KRT81: variants seen among roughly 807,000 people sequenced by gnomAD.
KRT81 encodes the protein keratin 81.
A neutral mutation model predicts 35.8 loss-of-function variants in KRT81; 35 were observed. The observed-to-expected ratio is 0.98, with a 90% CI of 0.75 to 1.30. The LOEUF (loss-of-function observed/expected upper bound fraction) is 1.30, where lower values mean the gene tolerates loss of function less well. KRT81 is among the 50% of genes most tolerant of loss of function. The probability of loss-of-function intolerance (pLI) is 0.00; values close to 1 mark genes in which losing one functional copy is unlikely to be tolerated. For missense variants in KRT81, 531 were observed against 577.4 expected (o/e 0.92, Z 0.82); for synonymous variants, 249 against 251.2 (o/e 0.99, Z 0.08).
Position 52,286,363 on chromosome 12 carries a change from G to A in KRT81, c.1410C>T (p.Pro470=), listed in dbSNP as rs1282540065. The part of the protein sequence containing the change: ...NVAVSTGLCA[P]CGQLNTTCGG... The stretch of plus-strand genomic sequence containing the variant: ...CGCAGGTGGTGTTCAATTGGCCGCA[G>A]GGCGCACACAGGCCGGTGCTCACCG... The change falls in exon 9 of 9, where the codon CCC becomes CCT. Residue 470 remains proline (P), a synonymous_variant. Coordinates refer to ENST00000327741, the MANE Select transcript of KRT81 (RefSeq NM_002281.4). 1.3e-6 allele frequency: 2 copies of A among 1,555,466 alleles called. No individual in the cohort carries two copies. The highest frequency in any genetic ancestry group is 1.9e-5 in the Admixed American group (1 of 51,454).
chr12:52,287,491 A>G (rs1382869024), intron 6 of KRT81, 105 bp downstream of exon 6: 16 of 1,606,098 alleles, frequency 1.0e-5, no homozygotes, highest in Admixed American at 8.5e-5. Flanking sequence ...TACATGGACA[A>G]AGGGGGTGGA....
At position 52,291,511 on chromosome 12, in the gene KRT81, G is replaced by A. The variant is rs1267306704; in HGVS notation, c.-46C>T. The A allele has an allele frequency of 1.2e-6, 2 of 1,607,336 alleles. No individual in the cohort carries two copies. Among genetic ancestry groups the A allele is most frequent in the Admixed American group, 3.4e-5 (2 of 59,434 alleles). ...TTGCAGAGGACAGGATAGGGGACCTGGAGTCCTGATGGAAACTCCAATGTG... is the reference window on the plus strand; with the variant it reads ...TTGCAGAGGACAGGATAGGGGACCTAGAGTCCTGATGGAAACTCCAATGTG... On this transcript the variant is annotated 5_prime_UTR_variant, in exon 1 of 9. Transcript: ENST00000327741.
Position 52,291,311 on chromosome 12 carries a change from C to G in KRT81, c.155G>C (p.Gly52Ala), listed in dbSNP as rs765739669. 1.2e-5 allele frequency: 19 copies of G among 1,546,940 alleles called. No individual in the cohort carries two copies. Among genetic ancestry groups the G allele is most frequent in the East Asian group, 7.3e-5 (3 of 41,004 alleles). Residue 52 changes from glycine (G) to alanine (A), a missense_variant, in exon 1 of 9, where the codon GGA becomes GCA. Around this residue, in one of 5 missense-constraint regions of KRT81, gnomAD observed 133 missense variants for 125.9 expected, o/e 1.06. Coordinates refer to ENST00000327741, the MANE Select transcript of KRT81 (RefSeq NM_002281.4). ...TCCGCAGGAGCCGGCCCGAAAGCCT[C>G]CGCACACGCTGTGGCTGCCGAAGCC... The part of the protein sequence containing the change: ...TGGFGSHSVC[G>A]GFRAGSCGRS...
At position 52,288,346 on chromosome 12, in the gene KRT81, C is replaced by T. The variant is rs199629561; in HGVS notation, c.735+15G>A. ...TGCTGGCTGCCAGGTTTCTGTCTGG[C>T]CCCTGAGCCCGCACCTCCTCATACA... On this transcript the variant is annotated intron_variant, in intron 4 of 8. Coordinates refer to ENST00000327741, the MANE Select transcript of KRT81 (RefSeq NM_002281.4). 1,159 of 1,613,804 alleles carry T rather than the reference C, an allele frequency of 7.2e-4. 10 individuals carry two copies. In the African/African-American group the frequency reaches 0.014, roughly 20 times the overall value.
At chr12:52,287,764 C>A (rs370107494) in intron 5 of KRT81, 43 bp from the exon 6 acceptor site, 1 of 1,614,024 alleles carries the variant, frequency 6.2e-7, no homozygotes, top group Non-Finnish European at 8.5e-7. Context: ...GGTGGGACCT[C>A]CCATCCATTC....
Position 52,286,265 on chromosome 12 carries a change from C to T in KRT81, c.1508G>A (p.Arg503Gln), listed in dbSNP as rs138935547. ...CTTGAGTTGGGGTGCCTAACATTTC[C>T]GGCAGCTGCTGCCGCAAGACCCCAC... ...LGVGSCGSSC[R>Q]KC Residue 503 changes from arginine to glutamine, a missense_variant, in exon 9 of 9, where the codon CGG becomes CAG. By Grantham distance (43) the Arg-to-Gln change is conservative. Coordinates refer to ENST00000327741, the MANE Select transcript of KRT81 (RefSeq NM_002281.4). 1.9e-4 allele frequency: 290 copies of T among 1,554,020 alleles called. No homozygotes were observed. Among genetic ancestry groups the T allele is most frequent in the East Asian group, 3.6e-4 (15 of 41,452 alleles).
At position 52,286,793 on chromosome 12, in the gene KRT81, A is replaced by T; in HGVS notation, c.1277T>A (p.Val426Asp). The change falls in exon 8 of 9, where the codon GTC becomes GAC. Residue 426 changes from valine to aspartate, a missense_variant and splice_region_variant. By Grantham distance (152) the Val-to-Asp change is radical. Transcript: ENST00000327741. ...CACACTGGACCCCAAATACTCACAG[A>T]CATTCACAGCCCCAATGCCTTCACA... ...RLCEGIGAVN[V>D]CVSSSRGGVV... The T allele has an allele frequency of 6.2e-7, 1 of 1,614,058 alleles. No homozygotes were observed. The highest frequency in any genetic ancestry group is 1.1e-5 in the South Asian group (1 of 91,044).
rs1938118887 is a variant in KRT81, at chr12:52,291,416, G to T, written c.50C>A (p.Ala17Asp). The change falls in exon 1 of 9, where the codon GCC becomes GAC. Residue 17 changes from alanine (A) to aspartate (D), a missense_variant. Ala to Asp is a moderately radical substitution (Grantham distance 126, BLOSUM62 -2). Coordinates refer to ENST00000327741, the MANE Select transcript of KRT81 (RefSeq NM_002281.4). ...GCAGCGGCCGGGCCGCGGCCCGCAGGCCGAGATGCAGCTGAAGGCGCGCCC... is the reference window on the plus strand; with the variant it reads ...GCAGCGGCCGGGCCGCGGCCCGCAGTCCGAGATGCAGCTGAAGGCGCGCCC... ...FGGRAFSCISACGPRPGRCCI... is the reference protein window; with the variant it reads ...FGGRAFSCISDCGPRPGRCCI... The T allele has an allele frequency of 6.2e-7, 1 of 1,611,768 alleles. No homozygotes were observed. Among genetic ancestry groups the T allele is most frequent in the South Asian group, 1.1e-5 (1 of 90,922 alleles).
chr12:52,288,521 T>C (rs1165367809), intron 3 of KRT81, 65 bp from the exon 4 acceptor site: 2 of 1,575,754 alleles, frequency 1.3e-6, no homozygotes, highest in Non-Finnish European at 1.7e-6. Context: ...CTCCTCTCTC[T>C]GCCCATCCAT....
At position 52,287,720 on chromosome 12, in the gene KRT81, C is replaced by T. The variant is rs113592710; in HGVS notation, c.902G>A (p.Cys301Tyr). The T allele has an allele frequency of 3.6e-5, 58 of 1,614,066 alleles. 3 individuals are homozygous for T. In the Middle Eastern group the frequency reaches 3.0e-3, roughly 83 times the overall value. The change falls in exon 6 of 9, where the codon TGT becomes TAT. Residue 301 changes from cysteine (C) to tyrosine (Y), a missense_variant and splice_region_variant. This residue lies in a region of KRT81 where 194 missense variants were observed against 198.2 expected (regional missense o/e 0.98). Transcript: ENST00000327741. Reference protein sequence around the residue: ...AEAESWYRSKCEEMKATVIRH... With the variant: ...AEAESWYRSKYEEMKATVIRH... ...GATCACCGTGGCCTTCATCTCCTCA[C>T]ACTGGGGGAAGTAGAGATGCTCATG...
chr12:52,286,919 A>G, intron 7 of KRT81, 97 bp from the exon 8 acceptor site: 1 of 1,540,026 alleles, frequency 6.5e-7, no homozygotes, highest in Non-Finnish European at 8.9e-7. Flanking sequence ...CTGGTCAATT[A>G]AGAACAGAGT....
chr12:52,288,574 A>C, intron 3 of KRT81, 118 bp from the exon 4 acceptor site: 2 of 1,210,590 alleles, frequency 1.7e-6, no homozygotes, highest in African/African-American at 1.5e-5. Context: ...TCCCATTCCC[A>C]TGCCTTTCCT....
rs779464624 is a variant in KRT81, at chr12:52,287,581, A to G, written c.1026+15T>C. 3 of 1,613,914 alleles carry G rather than the reference A, an allele frequency of 1.9e-6. No individual in the cohort carries two copies. In the East Asian group the frequency reaches 6.7e-5, roughly 36 times the overall value. On this transcript the variant is annotated intron_variant, in intron 6 of 8. Transcript: ENST00000327741. ...GCCCTCGGTCTCTCTGACCTTGCGC[A>G]CAGATGCCCCATACCTGGCACTTGG...
intron 8 of KRT81, 26 bp from the exon 9 acceptor site, chr12:52,286,519 A>C: frequency 1.9e-6 from 3 of 1,549,328 alleles, no homozygotes; most frequent in South Asian, 2.4e-5. Context: ...GCTGAGTCAA[A>C]ATTCTGAAGG....
chr12:52,288,653 A>G (rs1297391887), intron 3 of KRT81, among the ~76,000 whole-genome samples, 197 bp from the exon 4 acceptor site: 2 of 151,814 alleles, frequency 1.3e-5, no homozygotes, highest in Non-Finnish European at 1.5e-5. Context: ...GTTTGCCTTG[A>G]CCATGCCTCA....
chr12:52,286,298 G>A lies in KRT81; in HGVS notation c.1475C>T (p.Ser492Phe). The A allele has an allele frequency of 1.9e-6, 3 of 1,554,614 alleles. No individual in the cohort carries two copies. Among genetic ancestry groups the A allele is most frequent in the Non-Finnish European group, 1.7e-6 (2 of 1,148,612 alleles). ...SCGVGSCGISSLGVGSCGSSC... is the reference protein window; with the variant it reads ...SCGVGSCGISFLGVGSCGSSC... ...GCTGCCGCAAGACCCCACACCCAGG[G>A]AGCTGATACCACAGGAGCCCACGCC... The change falls in exon 9 of 9, where the codon TCC becomes TTC. Residue 492 changes from serine to phenylalanine, a missense_variant. Transcript: ENST00000327741.
In KRT81 at chr12:52,288,020, G is replaced by A. The variant is rs758981953; in HGVS notation, c.864C>T (p.Arg288=). The A allele has an allele frequency of 1.5e-5, 24 of 1,614,102 alleles. No individual in the cohort carries two copies. The highest frequency in any genetic ancestry group is 4.5e-5 in the East Asian group (2 of 44,900). ...IKAQYDDIVT[R]SRAEAESWYR... ...ACCAGGACTCGGCCTCGGCCCGGCTGCGGGTGACAATGTCGTCATACTGTG... is the reference window on the plus strand; with the variant it reads ...ACCAGGACTCGGCCTCGGCCCGGCTACGGGTGACAATGTCGTCATACTGTG... Residue 288 remains arginine (R), a synonymous_variant, in exon 5 of 9, where the codon CGC becomes CGT. Coordinates refer to ENST00000327741, the MANE Select transcript of KRT81 (RefSeq NM_002281.4).
In KRT81 at chr12:52,288,000, G is replaced by A. The variant is rs1938011268; in HGVS notation, c.884C>T (p.Ser295Phe). The A allele has an allele frequency of 6.2e-7, 1 of 1,614,078 alleles. No individual in the cohort carries two copies. Among genetic ancestry groups the A allele is most frequent in the African/African-American group, 1.3e-5 (1 of 74,924 alleles). ...IVTRSRAEAE[S>F]WYRSKCEEMK... Reference sequence around the variant, plus strand: ...GCCACTCACCTTGCTGCGGTACCAGGACTCGGCCTCGGCCCGGCTGCGGGT... The same window carrying A: ...GCCACTCACCTTGCTGCGGTACCAGAACTCGGCCTCGGCCCGGCTGCGGGT... Residue 295 changes from serine (S) to phenylalanine (F), a missense_variant, in exon 5 of 9, where the codon TCC becomes TTC. Around this residue, in one of 5 missense-constraint regions of KRT81, gnomAD observed 194 missense variants for 198.2 expected, o/e 0.98. Coordinates refer to ENST00000327741, the MANE Select transcript of KRT81 (RefSeq NM_002281.4).
At chr12:52,286,537 A>T (rs1430191601) in intron 8 of KRT81, 44 bp from the exon 9 acceptor site, 1 of 1,538,706 alleles carries the variant, frequency 6.5e-7, no homozygotes, top group Non-Finnish European at 8.8e-7. Context: ...AGGGCAAGCC[A>T]TCCTGCCTTC....
Sources: allele counts gnomAD v4.1 joint callset (sites outside exome capture counted in the v4.1 genomes callset), GRCh38; gene constraint gnomAD v4.1.1; regional missense constraint gnomAD v4.1.1; transcripts MANE v1.5; gene names NCBI Gene and HGNC (gene_info 2026-07-23, HGNC 2026-07-21).